The following BCL7C variants were observed in gnomAD, a reference collection of about 807,000 sequenced individuals.
The protein encoded by BCL7C is B-cell CLL/lymphoma 7 protein family member C.
Under a neutral mutation model 26.2 loss-of-function variants are expected in BCL7C, and 8 were observed. The observed-to-expected ratio is 0.30, with a 90% CI of 0.18 to 0.55. The LOEUF is 0.55. BCL7C is among the 20% of genes least tolerant of loss of function. The pLI, the probability that BCL7C is intolerant of heterozygous loss-of-function variation, is 0.93. For synonymous variants in BCL7C, 90 were observed against 116.5 expected, an observed-to-expected ratio of 0.77 and a Z score of 1.47; for missense variants, 262 against 298.5, an observed-to-expected ratio of 0.88 and a Z score of 0.90.
chr16:30,846,838 C>A (rs1281458993), intron 5 of BCL7C, among the ~76,000 whole-genome samples: 1 of 152,216 alleles, frequency 6.6e-6, no homozygotes, highest in Non-Finnish European at 1.5e-5. Flanking sequence ...TGCCAGCAAC[C>A]CATGGCCTGC....
rs550025103 is a variant in BCL7C at position 30,891,531 on chromosome 16, G to A, written c.442+1055C>T. On this transcript the variant is annotated intron_variant, in intron 4 of 5. Transcript: ENST00000215115. ...TACCAGGGCACCTAGCACACAGTAA[G>A]AGCTCAATAAATACTAGCTGTTGTT... 2.6e-3 allele frequency among the ~76,000 whole-genome samples: 400 copies of A among 152,314 alleles called. 2 individuals carry two copies. The highest frequency in any genetic ancestry group is 9.1e-3 in the African/African-American group (379 of 41,576).
chr16:30,836,557 C>T (rs765836032), intron 5 of BCL7C, among the ~76,000 whole-genome samples: 20 of 151,444 alleles, frequency 1.3e-4, no homozygotes, highest in Non-Finnish European at 2.5e-4. Context: ...TCACTGAAGC[C>T]TCAAACTCCA....
At chr16:30,848,364 C>A (rs2054648468) in intron 5 of BCL7C, among the ~76,000 whole-genome samples, 1 of 152,166 alleles carries the variant, frequency 6.6e-6, no homozygotes, top group South Asian at 2.1e-4. Flanking sequence ...GCAGGAAATG[C>A]ACCATTGAGG....
intron 5 of BCL7C, among the ~76,000 whole-genome samples, chr16:30,836,248 C>T (rs2054568580): frequency 6.6e-6 from 1 of 151,994 alleles, no homozygotes; most frequent in Admixed American, 6.6e-5. Context: ...AGCAAGAATC[C>T]GTCTCAAAAA....
intron 5 of BCL7C, among the ~76,000 whole-genome samples, chr16:30,880,076 C>T (rs2055019504): frequency 1.3e-5 from 2 of 151,796 alleles, no homozygotes; most frequent in African/African-American, 4.8e-5. Context: ...ATCACTTGGG[C>T]CCAGGAGTTC....
rs551578644 is a variant in BCL7C, at chr16:30,845,046, C to A, written c.529-9898G>T. Among the ~76,000 whole-genome samples, 4 of 152,210 alleles carry A rather than the reference C, an allele frequency of 2.6e-5. No homozygotes were observed. The East Asian group carries it at 7.7e-4, about 29-fold the overall frequency. ...AAAAGTCCTTGGGAGGCTCAAAGAC[C>A]CCAGTTTGCAACACTTTACCACGTT... On this transcript the variant is annotated intron_variant, in intron 5 of 5. Transcript: ENST00000380317.
chr16:30,834,807 A>C lies in BCL7C; in HGVS notation c.*141T>G. 1 of 788,688 alleles carries C rather than the reference A, an allele frequency of 1.3e-6. No individual in the cohort carries two copies. Among genetic ancestry groups the C allele is most frequent in the South Asian group, 2.0e-5 (1 of 49,896 alleles). The allele number at this position is 788,688 out of a possible 1,614,324, so 48.9% of individuals were successfully genotyped here. On this transcript the variant is annotated 3_prime_UTR_variant, in exon 6 of 6. Coordinates refer to the BCL7C transcript ENST00000380317. The surrounding 1 kb of genome is among the most constrained non-coding windows in gnomAD (Gnocchi z 4.3). ...GGGTGCTGTGGCCTTAGGTTCGGGC[A>C]GGTGTGGGGCCGCTCGCCCTCCGAT...
intron 5 of BCL7C, among the ~76,000 whole-genome samples, chr16:30,848,972 G>C (rs1274353331): frequency 6.6e-6 from 1 of 151,744 alleles, no homozygotes; most frequent in East Asian, 1.9e-4. Flanking sequence ...TGGATCACGA[G>C]GTCAAGAGAT....
intron 4 of BCL7C, 53 bp from the exon 5 acceptor site, chr16:30,888,998 CACAG>C: frequency 6.5e-7 from 1 of 1,548,580 alleles, no homozygotes; most frequent in South Asian, 1.1e-5. Flanking sequence ...GTGCCAGCAG[CACAG>C]ACAGTGGGGG....
chr16:30,881,648 G>A (rs1253358836), intron 5 of BCL7C, among the ~76,000 whole-genome samples: 1 of 152,082 alleles, frequency 6.6e-6, no homozygotes, highest in African/African-American at 2.4e-5. Flanking sequence ...TGCCTGCGAG[G>A]CCCAGCTGAC....
intron 4 of BCL7C, among the ~76,000 whole-genome samples, chr16:30,891,240 A>G (rs2055227194): frequency 6.6e-6 from 1 of 151,688 alleles, no homozygotes; most frequent in Admixed American, 6.6e-5. Flanking sequence ...AGGCGGGCAG[A>G]TCACCTGAGG....
intron 5 of BCL7C, among the ~76,000 whole-genome samples, chr16:30,864,020 A>G (rs930510538): frequency 3.9e-5 from 6 of 151,992 alleles, no homozygotes; most frequent in Non-Finnish European, 7.4e-5. Flanking sequence ...CTCCCCAGCT[A>G]TCTCCATCAC....
Position 30,887,871 on chromosome 16 carries a change from G to C in BCL7C, c.648C>G (p.Asp216Glu). 6.3e-7 allele frequency: 1 copy of C among 1,590,266 alleles called. No homozygotes were observed. The highest frequency in any genetic ancestry group is 8.5e-7 in the Non-Finnish European group (1 of 1,169,918). Residue 216 changes from aspartate (D) to glutamate (E), a missense_variant, in exon 6 of 6, where the codon GAC becomes GAG. Coordinates refer to ENST00000215115, the MANE Select transcript of BCL7C (RefSeq NM_004765.4). The part of the protein sequence containing the change: ...PLKRICPNAP[D>E]P Reference sequence around the variant, plus strand: ...GGACAGGCAGGCCGGCTTCTCAGGGGTCAGGGGCATTTGGGCAGATGCGCT... The same window carrying C: ...GGACAGGCAGGCCGGCTTCTCAGGGCTCAGGGGCATTTGGGCAGATGCGCT...
At chr16:30,881,577 G>A (rs922032939) in intron 5 of BCL7C, among the ~76,000 whole-genome samples, 2 of 152,168 alleles carry the variant, frequency 1.3e-5, no homozygotes, top group African/African-American at 2.4e-5. Flanking sequence ...CCTTCCCAGC[G>A]TGATTAGTAC....
intron 5 of BCL7C, among the ~76,000 whole-genome samples, chr16:30,840,937 A>C (rs1413392514): frequency 6.6e-6 from 1 of 152,116 alleles, no homozygotes; most frequent in Non-Finnish European, 1.5e-5. Flanking sequence ...TGGAGATTAC[A>C]ATGGGGACTA....
chr16:30,857,217 C>T (rs1200995670), intron 5 of BCL7C, among the ~76,000 whole-genome samples: 1 of 151,576 alleles, frequency 6.6e-6, no homozygotes, highest in Non-Finnish European at 1.5e-5. Flanking sequence ...GGTGAAACCC[C>T]ACCTGTATTA....
intron 5 of BCL7C, among the ~76,000 whole-genome samples, chr16:30,880,004 G>A (rs962598746): frequency 6.7e-6 from 1 of 150,350 alleles, no homozygotes; most frequent in Non-Finnish European, 1.5e-5. Context: ...AAAAAAAAAT[G>A]TTAAGTAGTT....
At chr16:30,836,397 G>T (rs1249295720) in intron 5 of BCL7C, among the ~76,000 whole-genome samples, 1 of 151,952 alleles carries the variant, frequency 6.6e-6, no homozygotes. Flanking sequence ...ACTTTAGCCT[G>T]AGAGGTCTGA....
chr16:30,849,425 T>C (rs1426009042), intron 5 of BCL7C, among the ~76,000 whole-genome samples: 1 of 152,028 alleles, frequency 6.6e-6, no homozygotes, highest in Non-Finnish European at 1.5e-5. Context: ...TTGTCTGATA[T>C]ATATATTAGC....
Sources: gnomAD v4.1 joint callset for allele counts (sites outside exome capture counted in the v4.1 genomes callset) on GRCh38, gnomAD v4.1.1 for gene constraint, Gnocchi (gnomAD v3.1) non-coding constraint, MANE v1.5 for transcripts, NCBI Gene and HGNC (gene_info 2026-07-23, HGNC 2026-07-21) for gene names.